Variants in RHOJ observed in about 807,000 individuals in gnomAD.
RHOJ encodes ras homolog family member J.
Under a neutral mutation model 23.4 loss-of-function variants are expected in RHOJ, and 11 were observed. The observed-to-expected ratio is 0.47, with a 90% confidence interval of 0.30 to 0.78. The LOEUF (loss-of-function observed/expected upper bound fraction) is 0.78. RHOJ is among the 30% of genes least tolerant of loss of function. The probability of loss-of-function intolerance (pLI) is 0.08; values close to 1 mark genes in which losing one functional copy is unlikely to be tolerated. For synonymous variants in RHOJ, 102 were observed against 102.7 expected (o/e 0.99, Z 0.04); for missense variants, 254 against 273.4 (o/e 0.93, Z 0.50).
At chr14:63,267,526 T>C (rs1233296773) in intron 1 of RHOJ, among the ~76,000 whole-genome samples, 2 of 152,244 alleles carry the variant, frequency 1.3e-5, no homozygotes, top group Admixed American at 6.5e-5. Context: ...GATAGCTGGA[T>C]GTCTCCCTTC....
At chr14:63,230,043 G>T (rs1291846838) in intron 1 of RHOJ, among the ~76,000 whole-genome samples, 2 of 152,128 alleles carry the variant, frequency 1.3e-5, no homozygotes, top group East Asian at 3.8e-4. Flanking sequence ...AACACCAGCT[G>T]GTGTGTCTAA....
intron 1 of RHOJ, among the ~76,000 whole-genome samples, chr14:63,263,304 TG>T (rs1195184462): frequency 2.6e-5 from 4 of 152,198 alleles, no homozygotes; most frequent in African/African-American, 9.7e-5. Flanking sequence ...CTTCCTTCTG[TG>T]CAGGTGTGAC....
Position 63,291,385 on chromosome 14 carries a change from T to C in RHOJ, c.*361T>C, listed in dbSNP as rs1372630475. On this transcript the variant is annotated 3_prime_UTR_variant, in exon 5 of 5. Coordinates refer to ENST00000316754, the MANE Select transcript of RHOJ (RefSeq NM_020663.5). ...ACCCCAGGGAACCCGAAAAAGAAAC[T>C]TGATTCCTCTATTGCTGGCCTTACT... 3.9e-5 allele frequency: 12 copies of C among 306,556 alleles called. No homozygotes were observed. Among genetic ancestry groups the C allele is most frequent in the Non-Finnish European group, 7.5e-5 (12 of 159,354 alleles). 19.0% of individuals were successfully genotyped at this position (306,556 alleles called of 1,614,324 possible).
chr14:63,210,430 T>C (rs1455949491), intron 1 of RHOJ, among the ~76,000 whole-genome samples: 2 of 152,218 alleles, frequency 1.3e-5, no homozygotes, highest in Non-Finnish European at 2.9e-5. Context: ...AGAGCATATT[T>C]CAGAGTAACC....
chr14:63,224,213 C>T (rs1412741317), intron 1 of RHOJ, among the ~76,000 whole-genome samples: 3 of 152,124 alleles, frequency 2.0e-5, no homozygotes, highest in African/African-American at 7.2e-5. Context: ...AGCCACAAGG[C>T]ACAGCAAAAT....
intron 1 of RHOJ, among the ~76,000 whole-genome samples, chr14:63,264,455 T>C (rs1895331318): frequency 6.6e-6 from 1 of 152,254 alleles, no homozygotes; most frequent in Admixed American, 6.5e-5. Flanking sequence ...GTATTTGCTA[T>C]TGTGAATAGT....
At chr14:63,224,151 T>G (rs1894547703) in intron 1 of RHOJ, among the ~76,000 whole-genome samples, 1 of 152,192 alleles carries the variant, frequency 6.6e-6, no homozygotes, top group Non-Finnish European at 1.5e-5. Flanking sequence ...GAGTAATAAA[T>G]CACTTAATTT....
At position 63,293,031 on chromosome 14, in the gene RHOJ, A is replaced by C. The variant is rs1256257331; in HGVS notation, c.*2007A>C. 2.0e-5 allele frequency: 3 copies of C among 151,876 alleles called. No homozygotes were observed. The highest frequency in any genetic ancestry group is 7.3e-5 in the African/African-American group (3 of 41,286). 9.4% of individuals were successfully genotyped at this position (151,876 alleles called of 1,614,324 possible). On this transcript the variant is annotated 3_prime_UTR_variant, in exon 5 of 5. Coordinates refer to ENST00000316754, the MANE Select transcript of RHOJ (RefSeq NM_020663.5). ...TTGCTAAAGATTTTCTTTCATACGC[A>C]CACACTCCAGTGACTGGAAAAACGG...
intron 1 of RHOJ, among the ~76,000 whole-genome samples, chr14:63,206,385 T>C (rs1316269603): frequency 6.6e-6 from 1 of 152,188 alleles, no homozygotes; most frequent in Non-Finnish European, 1.5e-5. Flanking sequence ...GAAGAACAGG[T>C]TGACTTTCAT....
At chr14:63,284,752 G>A (rs1882026625) in intron 4 of RHOJ, among the ~76,000 whole-genome samples, 1 of 152,134 alleles carries the variant, frequency 6.6e-6, no homozygotes, top group Admixed American at 6.5e-5. Flanking sequence ...CCCATTGGCC[G>A]GCACCAGCTT....
chr14:63,254,131 T>C (rs1895120700), intron 1 of RHOJ, among the ~76,000 whole-genome samples: 1 of 152,138 alleles, frequency 6.6e-6, no homozygotes, highest in South Asian at 2.1e-4. Context: ...CAGGACCGGA[T>C]CAGCATTGTC....
intron 1 of RHOJ, among the ~76,000 whole-genome samples, chr14:63,265,832 C>A (rs8012835): frequency 2.6e-5 from 4 of 152,218 alleles, no homozygotes; most frequent in African/African-American, 9.6e-5. Context: ...CATTTCCTGA[C>A]TGGCAATTGG....
chr14:63,222,436 C>T (rs1342270075), intron 1 of RHOJ, among the ~76,000 whole-genome samples: 4 of 152,152 alleles, frequency 2.6e-5, no homozygotes, highest in Non-Finnish European at 5.9e-5. Context: ...TTTACAGTCC[C>T]ACCAACAGTG....
At chr14:63,258,808 CTT>C (rs1200465581) in intron 1 of RHOJ, among the ~76,000 whole-genome samples, 1 of 152,208 alleles carries the variant, frequency 6.6e-6, no homozygotes. Flanking sequence ...ACTCTGGTGT[CTT>C]TATCTTTCAG....
chr14:63,216,157 T>A (rs1894352064), intron 1 of RHOJ, among the ~76,000 whole-genome samples: 1 of 152,210 alleles, frequency 6.6e-6, no homozygotes, highest in South Asian at 2.1e-4. Flanking sequence ...CCAGTCAAAT[T>A]TTAAGCTTAT....
chr14:63,223,221 A>T (rs547684572), intron 1 of RHOJ, among the ~76,000 whole-genome samples: 3 of 152,176 alleles, frequency 2.0e-5, no homozygotes, highest in Non-Finnish European at 4.4e-5. Context: ...CATCTGGACT[A>T]TTGGTTCTGG....
At chr14:63,214,074 T>C (rs1894298570) in intron 1 of RHOJ, among the ~76,000 whole-genome samples, 2 of 152,200 alleles carry the variant, frequency 1.3e-5, no homozygotes, top group Non-Finnish European at 2.9e-5. Flanking sequence ...GATAAACATA[T>C]CAACTGCCTT....
At chr14:63,250,111 T>G (rs1013830329) in intron 1 of RHOJ, among the ~76,000 whole-genome samples, 1 of 152,220 alleles carries the variant, frequency 6.6e-6, no homozygotes. Context: ...CCACCTGGTC[T>G]AAGCTACCAT....
chr14:63,221,336 G>A (rs1341536963), intron 1 of RHOJ, among the ~76,000 whole-genome samples: 1 of 151,816 alleles, frequency 6.6e-6, no homozygotes, highest in African/African-American at 2.4e-5. Flanking sequence ...CTCAAAATAT[G>A]TATATATATA....
Sources: allele counts gnomAD v4.1 joint callset (sites outside exome capture counted in the v4.1 genomes callset), GRCh38; gene constraint gnomAD v4.1.1; transcripts MANE v1.5; gene names NCBI Gene and HGNC (gene_info 2026-07-23, HGNC 2026-07-21).